The following DSCAM variants were observed in gnomAD, a reference collection of about 807,000 sequenced individuals.
The protein encoded by DSCAM is DS cell adhesion molecule, also known as cell adhesion molecule DSCAM.
DSCAM carries 47 observed loss-of-function variants against 217.7 expected under a neutral mutation model. The observed-to-expected ratio is 0.22, with a 90% CI of 0.17 to 0.28. The LOEUF is 0.28. Among genes scored for constraint, DSCAM ranks in the 10% least tolerant of loss-of-function variants. The pLI is 1.00. For synonymous variants in DSCAM, 1,056 were observed against 1,015.3 expected (o/e 1.04, Z -0.76); for missense variants, 2,080 against 2,618.3 (o/e 0.79, Z 4.49).
At chr21:40,573,634 AAATAT>A (rs1386822525) in intron 3 of DSCAM, among the ~76,000 whole-genome samples, 2 of 152,138 alleles carry the variant, frequency 1.3e-5, no homozygotes, top group Admixed American at 6.5e-5. Context: ...AAAACAACTA[AAATAT>A]AAGAAAGGAA....
In DSCAM at chr21:40,298,328, GCCTC is replaced by G. The variant is rs1276423349; in HGVS notation, c.2063-2158_2063-2155del. 1.3e-3 allele frequency among the ~76,000 whole-genome samples: 191 copies of G among 152,030 alleles called. 1 individual carries two copies. The highest frequency in any genetic ancestry group is 6.8e-3 in the Middle Eastern group (2 of 292). Reference sequence around the variant, plus strand: ...GAACTCCTGATCTCGTGATCCACCAGCCTCAGCCTCCCAAAGTGCTGGGATTACA... The same window carrying G: ...GAACTCCTGATCTCGTGATCCACCAGAGCCTCCCAAAGTGCTGGGATTACA... On this transcript the variant is annotated intron_variant, in intron 9 of 32. Transcript: ENST00000400454.
intron 20 of DSCAM, among the ~76,000 whole-genome samples, chr21:40,113,859 T>A (rs1418883920): frequency 6.6e-6 from 1 of 152,038 alleles, no homozygotes; most frequent in East Asian, 1.9e-4. Flanking sequence ...TTACAAGGGA[T>A]GTGAAGGACC....
chr21:40,543,899 C>T (rs151070656), intron 3 of DSCAM, among the ~76,000 whole-genome samples: 7 of 152,198 alleles, frequency 4.6e-5, no homozygotes, highest in Middle Eastern at 3.4e-3. Flanking sequence ...TTGCTGCTCT[C>T]GGTTGTGTTC....
intron 32 of DSCAM, among the ~76,000 whole-genome samples, chr21:40,039,557 G>T (rs116392248): frequency 6.6e-6 from 1 of 152,142 alleles, no homozygotes; most frequent in South Asian, 2.1e-4. Context: ...ACACACAGGA[G>T]ATATATATAT....
intron 3 of DSCAM, among the ~76,000 whole-genome samples, chr21:40,670,724 C>T (rs984222704): frequency 6.6e-5 from 10 of 152,180 alleles, no homozygotes; most frequent in Non-Finnish European, 1.2e-4. Flanking sequence ...ATTTGCATTA[C>T]TCATTCATTG....
intron 11 of DSCAM, among the ~76,000 whole-genome samples, chr21:40,192,037 C>A (rs2090957487): frequency 6.6e-6 from 1 of 152,110 alleles, no homozygotes; most frequent in Admixed American, 6.5e-5. Context: ...TACTATTCAA[C>A]CCATTACAAA....
chr21:40,487,399 A>G (rs2076039750), intron 3 of DSCAM, among the ~76,000 whole-genome samples: 1 of 151,904 alleles, frequency 6.6e-6, no homozygotes, highest in African/African-American at 2.4e-5. Flanking sequence ...CCAGGTAGCT[A>G]TAAAACATTT....
In DSCAM at chr21:40,169,963, A is replaced by T. The variant is rs545581797; in HGVS notation, c.2948-2675T>A. ...GACAGTTTCTATTTAGTTCCTAAAC[A>T]TTAATTCTGGTCTCTATTGTACTCT... On this transcript the variant is annotated intron_variant, in intron 15 of 32. Coordinates refer to ENST00000400454, the MANE Select transcript of DSCAM (RefSeq NM_001389.5). Among the ~76,000 whole-genome samples the T allele has an allele frequency of 1.3e-5, 2 of 152,284 alleles. 1 individual carries two copies. The highest frequency in any genetic ancestry group is 4.1e-4 in the South Asian group (2 of 4,822).
At chr21:40,711,032 G>C (rs542977209) in intron 1 of DSCAM, among the ~76,000 whole-genome samples, 15 of 117,916 alleles carry the variant, frequency 1.3e-4, no homozygotes, top group Non-Finnish European at 2.4e-4. Flanking sequence ...CAAGGACACA[G>C]GATACAGGCT....
At chr21:40,441,480 T>C (rs1231857285) in intron 3 of DSCAM, among the ~76,000 whole-genome samples, 2 of 152,144 alleles carry the variant, frequency 1.3e-5, no homozygotes, top group Non-Finnish European at 2.9e-5. Flanking sequence ...CCAAAGACAA[T>C]AGATGCTAAA....
chr21:40,335,382 A>T (rs984262150), intron 8 of DSCAM, among the ~76,000 whole-genome samples: 2 of 152,222 alleles, frequency 1.3e-5, no homozygotes, highest in African/African-American at 4.8e-5. Flanking sequence ...TCCTAAAATC[A>T]TAAATATATT....
At chr21:40,515,613 T>C (rs879428449) in intron 3 of DSCAM, among the ~76,000 whole-genome samples, 19 of 152,144 alleles carry the variant, frequency 1.2e-4, no homozygotes, top group African/African-American at 1.9e-4. Context: ...AAAACTCCAA[T>C]TGAAGGTAAA....
At chr21:40,580,271 G>A (rs567868934) in intron 3 of DSCAM, among the ~76,000 whole-genome samples, 4 of 152,026 alleles carry the variant, frequency 2.6e-5, no homozygotes, top group Admixed American at 6.5e-5. Context: ...GGTGGCTCAC[G>A]TCTGTAGTCC....
chr21:40,815,508 A>C (rs1424095266), intron 1 of DSCAM, among the ~76,000 whole-genome samples: 1 of 152,170 alleles, frequency 6.6e-6, no homozygotes, highest in Non-Finnish European at 1.5e-5. Flanking sequence ...ACCACTAATC[A>C]AATCTCTTCC....
intron 32 of DSCAM, among the ~76,000 whole-genome samples, 172 bp from the exon 33 acceptor site, chr21:40,013,558 T>C (rs897091122): frequency 5.3e-5 from 8 of 152,144 alleles, no homozygotes; most frequent in Non-Finnish European, 7.3e-5. Context: ...GGTGGAATCG[T>C]CCTCCTACCT....
intron 3 of DSCAM, 104 bp from the exon 4 acceptor site, chr21:40,369,349 C>T: frequency 1.6e-6 from 2 of 1,219,142 alleles, no homozygotes; most frequent in Admixed American, 2.6e-5. Context: ...CCTGAAGAAA[C>T]TTAATGAAAA....
chr21:40,314,706 G>GA (rs2074177489), intron 8 of DSCAM, among the ~76,000 whole-genome samples: 1 of 152,148 alleles, frequency 6.6e-6, no homozygotes, highest in African/African-American at 2.4e-5. Flanking sequence ...AGCATACTCA[G>GA]ACAAACCTTG....
chr21:40,774,556 A>G (rs1282638782), intron 1 of DSCAM, among the ~76,000 whole-genome samples: 2 of 152,268 alleles, frequency 1.3e-5, no homozygotes, highest in African/African-American at 4.8e-5. Flanking sequence ...GACATGAGTC[A>G]GTCTTATTCC....
intron 1 of DSCAM, among the ~76,000 whole-genome samples, chr21:40,772,782 C>A (rs1210049317): frequency 6.6e-6 from 1 of 152,340 alleles, no homozygotes; most frequent in South Asian, 2.1e-4. Context: ...CAAATCACGT[C>A]CTCTCGTGGC....
Sources: gnomAD v4.1 joint callset for allele counts (sites outside exome capture counted in the v4.1 genomes callset) on GRCh38, gnomAD v4.1.1 for gene constraint, MANE v1.5 for transcripts, NCBI Gene and HGNC (gene_info 2026-07-23, HGNC 2026-07-21) for gene names.